Variants in VAT1L observed in about 807,000 individuals in gnomAD.
VAT1L encodes the protein putative NADPH-dependent quinone oxidoreductase VAT1L.
Under a neutral mutation model 44.1 loss-of-function variants are expected in VAT1L, and 34 were observed. The ratio of observed to expected loss-of-function variants is 0.77; its 90% CI spans 0.59 to 1.03. The LOEUF is 1.03. Among genes scored for constraint, VAT1L ranks in the 50% least tolerant of loss-of-function variants. VAT1L has a pLI of 0.00. For missense variants in VAT1L, 615 were observed against 538.8 expected, an observed-to-expected ratio of 1.14 and a Z score of -1.40; for synonymous variants, 253 against 202.2, an observed-to-expected ratio of 1.25 and a Z score of -2.13.
At chr16:77,814,346 A>G (rs372348989) in intron 1 of VAT1L, among the ~76,000 whole-genome samples, 3 of 152,182 alleles carry the variant, frequency 2.0e-5, no homozygotes, top group Non-Finnish European at 4.4e-5. Flanking sequence ...CGTCCTAAAA[A>G]TAGGGGGCAT....
At chr16:77,907,784 C>A (rs2017453720) in intron 7 of VAT1L, among the ~76,000 whole-genome samples, 1 of 152,130 alleles carries the variant, frequency 6.6e-6, no homozygotes, top group Non-Finnish European at 1.5e-5. Flanking sequence ...GTGTCAAGTG[C>A]TAGATTTACC....
chr16:77,795,813 C>CTCTTTTTTTTTT (rs2015919974), intron 1 of VAT1L, among the ~76,000 whole-genome samples: 1 of 100,582 alleles, frequency 9.9e-6, no homozygotes, highest in Non-Finnish European at 1.9e-5. Flanking sequence ...CCTTTTTTCT[C>CTCTTTTTTTTTT]TTTTTTTTTT....
chr16:77,934,338 C>A (rs188732299), intron 7 of VAT1L, among the ~76,000 whole-genome samples: 1 of 152,110 alleles, frequency 6.6e-6, no homozygotes, highest in East Asian at 1.9e-4. Flanking sequence ...CTGTTCTAAT[C>A]CCTTGGACCT....
intron 7 of VAT1L, among the ~76,000 whole-genome samples, chr16:77,913,490 C>T (rs969316041): frequency 5.3e-5 from 8 of 151,206 alleles, no homozygotes; most frequent in South Asian, 2.1e-4. Context: ...GATCAGCTCT[C>T]GATCCTCATC....
Position 77,879,568 on chromosome 16 carries a change from G to A in VAT1L, c.882+344G>A, listed in dbSNP as rs563245766. 4.6e-5 allele frequency among the ~76,000 whole-genome samples: 7 copies of A among 152,360 alleles called. No homozygotes were observed. The highest frequency in any genetic ancestry group is 3.9e-4 in the East Asian group (2 of 5,188). On this transcript the variant is annotated intron_variant, in intron 6 of 8. Transcript: ENST00000302536. The surrounding 1 kb of genome is among the most constrained non-coding windows in gnomAD (Gnocchi z 4.1). ...CCCAAAGTGCTGGGATTACAGGCGT[G>A]AGCCACCGCACCCAGCTGTGAGCTC...
intron 4 of VAT1L, among the ~76,000 whole-genome samples, chr16:77,865,453 C>T (rs1424057190): frequency 6.6e-6 from 1 of 152,090 alleles, no homozygotes; most frequent in Non-Finnish European, 1.5e-5. Context: ...GGAGACTGTG[C>T]CAGAGCCAGA....
At chr16:77,974,874 G>C (rs545276725) in intron 8 of VAT1L, among the ~76,000 whole-genome samples, 128 of 152,112 alleles carry the variant, frequency 8.4e-4, no homozygotes, top group Admixed American at 1.6e-3. Flanking sequence ...GGGCCCCCTT[G>C]AAGGCTTTTA....
intron 4 of VAT1L, among the ~76,000 whole-genome samples, chr16:77,875,096 G>A (rs2142452448): frequency 6.6e-6 from 1 of 152,320 alleles, no homozygotes; most frequent in East Asian, 1.9e-4. Context: ...TGAACTTTCA[G>A]GTGAGACTTA....
chr16:77,946,148 G>A (rs193089621), intron 7 of VAT1L, among the ~76,000 whole-genome samples: 35 of 151,940 alleles, frequency 2.3e-4, no homozygotes, highest in African/African-American at 7.7e-4. Context: ...AAAAATTTGT[G>A]GACTGCCTTT....
At chr16:77,941,609 G>C (rs1392000731) in intron 7 of VAT1L, among the ~76,000 whole-genome samples, 1 of 152,028 alleles carries the variant, frequency 6.6e-6, no homozygotes, top group Non-Finnish European at 1.5e-5. Context: ...CTTTTTTTGA[G>C]AGTCTTGCTC....
chr16:77,872,690 T>C (rs2017044974), intron 4 of VAT1L, among the ~76,000 whole-genome samples: 1 of 152,274 alleles, frequency 6.6e-6, no homozygotes, highest in African/African-American at 2.4e-5. Context: ...CTGCCAACCC[T>C]CAACAGAGGG....
chr16:77,970,315 TTGA>T (rs1211653629), intron 7 of VAT1L, among the ~76,000 whole-genome samples: 1 of 152,214 alleles, frequency 6.6e-6, no homozygotes, highest in Non-Finnish European at 1.5e-5. Context: ...AAATACTGAT[TTGA>T]TAATATGTTA....
Position 77,962,494 on chromosome 16 carries a change from T to C in VAT1L, c.1078-9356T>C, listed in dbSNP as rs80176188. 8.3e-3 allele frequency among the ~76,000 whole-genome samples: 1,268 copies of C among 152,158 alleles called. 21 individuals carry two copies. The highest frequency in any genetic ancestry group is 0.029 in the African/African-American group (1,186 of 41,492). ...CCAGGTCTCAGAGTAGAATCTCTCCTCTGGACTTGGGAGTCAAACAGAACC... is the reference window on the plus strand; with the variant it reads ...CCAGGTCTCAGAGTAGAATCTCTCCCCTGGACTTGGGAGTCAAACAGAACC... On this transcript the variant is annotated intron_variant, in intron 7 of 8. Transcript: ENST00000302536.
chr16:77,878,113 G>A (rs1271090757), intron 5 of VAT1L, among the ~76,000 whole-genome samples: 4 of 152,110 alleles, frequency 2.6e-5, no homozygotes, highest in South Asian at 2.1e-4. Flanking sequence ...ACTTCATTAC[G>A]TTGATCACTT....
At position 77,977,844 on chromosome 16, in the gene VAT1L, C is replaced by G. The variant is rs1269794656; in HGVS notation, c.*149C>G. 5.2e-6 allele frequency: 4 copies of G among 763,112 alleles called. No individual in the cohort carries two copies. Among genetic ancestry groups the G allele is most frequent in the Non-Finnish European group, 8.6e-6 (4 of 464,272 alleles). The allele number at this position is 763,112 out of a possible 1,614,324, so 47.3% of individuals were successfully genotyped here. On this transcript the variant is annotated 3_prime_UTR_variant, in exon 9 of 9. Coordinates refer to ENST00000302536, the MANE Select transcript of VAT1L (RefSeq NM_020927.3). ...AGCTGAGCTAAAAAGCTGTTGATCA[C>G]TGTTGTTTTTTGAAGTGCCAATCCC...
At chr16:77,826,337 A>G (rs1012228362) in intron 3 of VAT1L, among the ~76,000 whole-genome samples, 1 of 152,220 alleles carries the variant, frequency 6.6e-6, no homozygotes, top group Non-Finnish European at 1.5e-5. Flanking sequence ...CAAAATGGTC[A>G]TTTTGTCAGT....
At chr16:77,909,948 A>G (rs1011356963) in intron 7 of VAT1L, among the ~76,000 whole-genome samples, 1 of 152,208 alleles carries the variant, frequency 6.6e-6, no homozygotes, top group African/African-American at 2.4e-5. Context: ...ACAGGCCTAT[A>G]GAAGAATTCA....
At chr16:77,965,041 G>A (rs2018208420) in intron 7 of VAT1L, among the ~76,000 whole-genome samples, 1 of 151,940 alleles carries the variant, frequency 6.6e-6, no homozygotes, top group Non-Finnish European at 1.5e-5. Flanking sequence ...TCGCCCGCCT[G>A]GGCCTCCCAA....
chr16:77,920,616 C>G (rs1025897036), intron 7 of VAT1L, among the ~76,000 whole-genome samples: 1 of 152,154 alleles, frequency 6.6e-6, no homozygotes, highest in Non-Finnish European at 1.5e-5. Context: ...AATGACATTT[C>G]AGTCCACAGA....
Sources: gnomAD v4.1 joint callset for allele counts (sites outside exome capture counted in the v4.1 genomes callset) on GRCh38, gnomAD v4.1.1 for gene constraint, Gnocchi (gnomAD v3.1) non-coding constraint, MANE v1.5 for transcripts, NCBI Gene and HGNC (gene_info 2026-07-23, HGNC 2026-07-21) for gene names.